Variants in AGAP1 observed in about 807,000 individuals in gnomAD.
AGAP1 encodes arf-GAP with GTPase, ANK repeat and PH domain-containing protein 1.
AGAP1 carries 29 observed loss-of-function variants against 105.3 expected under a neutral mutation model. That is an observed-to-expected ratio of 0.28 (90% CI 0.21 to 0.38). AGAP1 has a LOEUF of 0.38. Ranked by LOEUF, AGAP1 falls within the 10% of genes least tolerant of loss-of-function variation. The pLI is 1.00. For synonymous variants in AGAP1, 509 were observed against 485.9 expected, an observed-to-expected ratio of 1.05 and a Z score of -0.63; for missense variants, 998 against 1,165.1, an observed-to-expected ratio of 0.86 and a Z score of 2.09.
At chr2:236,029,392 C>T (rs1329114887) in intron 13 of AGAP1, among the ~76,000 whole-genome samples, 1 of 151,674 alleles carries the variant, frequency 6.6e-6, no homozygotes, top group Non-Finnish European at 1.5e-5. Context: ...TCTCCTGCCT[C>T]AGCCTCCTGA....
chr2:235,498,241 T>C (rs370599502), intron 1 of AGAP1, among the ~76,000 whole-genome samples: 6 of 152,326 alleles, frequency 3.9e-5, no homozygotes, highest in African/African-American at 1.4e-4. Flanking sequence ...TTTAAAACAC[T>C]AGCTTGTCAG....
chr2:235,869,917 C>T (rs946040607), intron 9 of AGAP1, among the ~76,000 whole-genome samples: 2 of 152,228 alleles, frequency 1.3e-5, no homozygotes, highest in Non-Finnish European at 2.9e-5. Flanking sequence ...GCTGCGCAGG[C>T]TTCCCAGGGG....
At chr2:235,661,249 G>A (rs1407486408) in intron 1 of AGAP1, among the ~76,000 whole-genome samples, 1 of 152,088 alleles carries the variant, frequency 6.6e-6, no homozygotes, top group Non-Finnish European at 1.5e-5. Context: ...AGAGGCTTTT[G>A]TTGAGGGCTG....
At chr2:235,768,161 C>T (rs993769076) in intron 6 of AGAP1, among the ~76,000 whole-genome samples, 13 of 152,266 alleles carry the variant, frequency 8.5e-5, no homozygotes, top group African/African-American at 3.1e-4. Flanking sequence ...GGGCTTCTCC[C>T]TACCAGTTTT....
Position 236,049,208 on chromosome 2 carries a change from G to T in AGAP1, c.2041G>T (p.Gly681Trp). Residue 681 changes from glycine (G) to tryptophan (W), a missense_variant, in exon 16 of 18, where the codon GGG becomes TGG. Around this residue, in one of 3 missense-constraint regions of AGAP1, gnomAD observed 235 missense variants for 270.7 expected, o/e 0.87. Transcript: ENST00000304032. The part of the protein sequence containing the change: ...VELIKVMSSI[G>W]NELANSVWEE... Reference sequence around the variant, plus strand: ...GCTCATCAAGGTGATGTCATCCATCGGGAACGAGCTAGCCAACAGCGTCTG... The same window carrying T: ...GCTCATCAAGGTGATGTCATCCATCTGGAACGAGCTAGCCAACAGCGTCTG... 6.2e-7 allele frequency: 1 copy of T among 1,614,184 alleles called. No individual in the cohort carries two copies. The highest frequency in any genetic ancestry group is 8.5e-7 in the Non-Finnish European group (1 of 1,180,040).
intron 12 of AGAP1, among the ~76,000 whole-genome samples, chr2:235,938,331 G>A (rs2053089157): frequency 6.6e-6 from 1 of 152,240 alleles, no homozygotes; most frequent in Admixed American, 6.5e-5. Context: ...CAAACAGCCT[G>A]TGTCATAATT....
chr2:235,883,218 A>G lies in AGAP1; in HGVS notation c.1051-127A>G. 1 of 708,948 alleles carries G rather than the reference A, an allele frequency of 1.4e-6. No homozygotes were observed. The highest frequency in any genetic ancestry group is 2.4e-6 in the Non-Finnish European group (1 of 411,046). 43.9% of individuals were successfully genotyped at this position (708,948 alleles called of 1,614,324 possible). A position where few individuals can be genotyped will look rare whatever the true frequency, so the allele number is the denominator to read the frequency against. On this transcript the variant is annotated intron_variant, in intron 9 of 17. Transcript: ENST00000304032. This position sits in a 1 kb window ranked among gnomAD's most constrained non-coding sequence, Gnocchi z 4.5. ...TTGAACTAATGGCATATCTTTTAGC[A>G]TTCGCCAGTATCACAGAGTGAAGTT...
intron 16 of AGAP1, among the ~76,000 whole-genome samples, chr2:236,069,515 C>T (rs555654288): frequency 3.9e-5 from 6 of 152,196 alleles, no homozygotes; most frequent in Non-Finnish European, 8.8e-5. Context: ...CCTCTGCCTC[C>T]CAGGTTCAAG....
rs145680632 is a variant in AGAP1 at position 235,612,609 on chromosome 2, T to C, written c.164-96570T>C. ...TCCCTGACTCCTTAGAACCTGCAAA[T>C]GCATGAAACTCATGTTAAGAACAGT... On this transcript the variant is annotated intron_variant, in intron 1 of 17. Transcript: ENST00000304032. This position sits in a 1 kb window ranked among gnomAD's most constrained non-coding sequence, Gnocchi z 4.3. 2.8e-3 allele frequency among the ~76,000 whole-genome samples: 424 copies of C among 152,320 alleles called. 2 individuals carry two copies. Among genetic ancestry groups the C allele is most frequent in the African/African-American group, 9.5e-3 (396 of 41,576 alleles).
chr2:235,696,131 C>T (rs1300710129), intron 1 of AGAP1, among the ~76,000 whole-genome samples: 1 of 152,142 alleles, frequency 6.6e-6, no homozygotes, highest in African/African-American at 2.4e-5. Context: ...CTGCAACCTC[C>T]GCCTCTCGAT....
At position 235,527,476 on chromosome 2, in the gene AGAP1, TC is replaced by T. The variant is rs997325043; in HGVS notation, c.163+32633del. Among the ~76,000 whole-genome samples, 15 of 152,268 alleles carry T rather than the reference TC, an allele frequency of 9.9e-5. No individual in the cohort carries two copies. In the South Asian group the frequency reaches 1.0e-3, roughly 11 times the overall value. ...GCCTCGACCTCCTAGGTTCAGGTGATCCCCCCACCATAGCCTCCTGAATAGC... is the reference window on the plus strand; with the variant it reads ...GCCTCGACCTCCTAGGTTCAGGTGATCCCCCACCATAGCCTCCTGAATAGC... On this transcript the variant is annotated intron_variant, in intron 1 of 17. Coordinates refer to ENST00000304032, the MANE Select transcript of AGAP1 (RefSeq NM_001037131.3).
In AGAP1 at chr2:235,883,600, G is replaced by A. The variant is rs901192419; in HGVS notation, c.1155+151G>A. On this transcript the variant is annotated intron_variant, in intron 10 of 17. Transcript: ENST00000304032. This position sits in a 1 kb window ranked among gnomAD's most constrained non-coding sequence, Gnocchi z 4.5. ...GCTCAACTGTGAGATAAATAACCCT[G>A]TTCCTCACACTCCACTAGACCATAT... 1 of 616,338 alleles carries A rather than the reference G, an allele frequency of 1.6e-6. No homozygotes were observed. Among genetic ancestry groups the A allele is most frequent in the South Asian group, 2.1e-5 (1 of 47,526 alleles). 38.2% of individuals were successfully genotyped at this position (616,338 alleles called of 1,614,324 possible).
intron 1 of AGAP1, among the ~76,000 whole-genome samples, chr2:235,695,657 G>C (rs1949961620): frequency 6.6e-6 from 1 of 152,252 alleles, no homozygotes; most frequent in Admixed American, 6.5e-5. Flanking sequence ...TGGCAGAGCA[G>C]TGTCTCTTCC....
Position 235,971,043 on chromosome 2 carries a change from C to G in AGAP1, c.1645+2420C>G, listed in dbSNP as rs531756505. Among the ~76,000 whole-genome samples the G allele has an allele frequency of 6.6e-6, 1 of 152,136 alleles. No individual in the cohort carries two copies. Among genetic ancestry groups the G allele is most frequent in the Non-Finnish European group, 1.5e-5 (1 of 68,020 alleles). ...GGTGTCTCAAACATGGATGTGTAAG[C>G]GGGTGACGTGTGTTTGGAAGTCCAA... On this transcript the variant is annotated intron_variant, in intron 13 of 17. Coordinates refer to ENST00000304032, the MANE Select transcript of AGAP1 (RefSeq NM_001037131.3). The surrounding 1 kb of genome is among the most constrained non-coding windows in gnomAD (Gnocchi z 4.8).
intron 1 of AGAP1, among the ~76,000 whole-genome samples, chr2:235,697,254 G>A (rs1047357320): frequency 4.6e-5 from 7 of 152,298 alleles, no homozygotes; most frequent in African/African-American, 7.2e-5. Flanking sequence ...TAAGTGACTC[G>A]CAGAAAAGCT....
At position 236,121,591 on chromosome 2, in the gene AGAP1, G is replaced by A. The variant is rs570031723; in HGVS notation, c.2370+1144G>A. Among the ~76,000 whole-genome samples the A allele has an allele frequency of 4.4e-4, 67 of 152,232 alleles. No homozygotes were observed. The highest frequency in any genetic ancestry group is 1.6e-3 in the African/African-American group (66 of 41,556). On this transcript the variant is annotated intron_variant, in intron 17 of 17. Coordinates refer to ENST00000304032, the MANE Select transcript of AGAP1 (RefSeq NM_001037131.3). This position sits in a 1 kb window ranked among gnomAD's most constrained non-coding sequence, Gnocchi z 4.9. ...TGGGAGTACAGGCATGACCCACCAC[G>A]CCCAGCCTTGATCTGACTTTTTTGA... is the stretch of plus-strand genomic sequence containing the variant.
chr2:235,927,585 A>G lies in AGAP1; in HGVS notation c.1325-3180A>G, dbSNP rs2052515484. Among the ~76,000 whole-genome samples, 1 of 152,180 alleles carries G rather than the reference A, an allele frequency of 6.6e-6. No homozygotes were observed. The highest frequency in any genetic ancestry group is 6.5e-5 in the Admixed American group (1 of 15,288). On this transcript the variant is annotated intron_variant, in intron 11 of 17. Coordinates refer to ENST00000304032, the MANE Select transcript of AGAP1 (RefSeq NM_001037131.3). The surrounding 1 kb of genome is among the most constrained non-coding windows in gnomAD (Gnocchi z 4.4). ...GATGAGTTCTTGATCAGCAACCTCCATTGGAACATTTCGTGGTCCCTTGTC... is the reference window on the plus strand; with the variant it reads ...GATGAGTTCTTGATCAGCAACCTCCGTTGGAACATTTCGTGGTCCCTTGTC...
At position 236,040,930 on chromosome 2, in the gene AGAP1, C is replaced by G. The variant is rs1316117256; in HGVS notation, c.1891+89C>G. 3.0e-6 allele frequency: 4 copies of G among 1,334,738 alleles called. No homozygotes were observed. The highest frequency in any genetic ancestry group is 4.3e-6 in the Non-Finnish European group (4 of 938,522). The allele number at this position is 1,334,738 out of a possible 1,614,324, so 82.7% of individuals were successfully genotyped here. Reference sequence around the variant, plus strand: ...GGCCCGGGTTGCAGGGGACTCACATCTGTCCTGTTTGGCAGATAAGAGTTA... The same window carrying G: ...GGCCCGGGTTGCAGGGGACTCACATGTGTCCTGTTTGGCAGATAAGAGTTA... On this transcript the variant is annotated intron_variant, in intron 15 of 17. Coordinates refer to ENST00000304032, the MANE Select transcript of AGAP1 (RefSeq NM_001037131.3). This position sits in a 1 kb window ranked among gnomAD's most constrained non-coding sequence, Gnocchi z 5.6.
chr2:235,634,393 C>A (rs954475790), intron 1 of AGAP1, among the ~76,000 whole-genome samples: 1 of 152,192 alleles, frequency 6.6e-6, no homozygotes, highest in Admixed American at 6.5e-5. Flanking sequence ...CAACAAAGAG[C>A]TGAGACTTCG....
Sources: gnomAD v4.1 joint callset for allele counts (sites outside exome capture counted in the v4.1 genomes callset) on GRCh38, gnomAD v4.1.1 for gene constraint, gnomAD v4.1.1 regional missense constraint, Gnocchi (gnomAD v3.1) non-coding constraint, MANE v1.5 for transcripts, NCBI Gene and HGNC (gene_info 2026-07-23, HGNC 2026-07-21) for gene names.